DYM: variants seen among roughly 807,000 people sequenced by gnomAD.
DYM encodes the protein dymeclin.
Under a neutral mutation model 93.1 loss-of-function variants are expected in DYM, and 78 were observed. The observed-to-expected ratio is 0.84, with a 90% CI of 0.70 to 1.01. The LOEUF is 1.01. Among genes scored for constraint, DYM ranks in the 50% least tolerant of loss-of-function variants. The pLI, the probability that DYM is intolerant of heterozygous loss-of-function variation, is 0.00. For missense variants in DYM, 789 were observed against 845.0 expected (o/e 0.93, Z 0.82); for synonymous variants, 321 against 319.7 (o/e 1.00, Z -0.04).
At chr18:49,426,403 G>C (rs1020640845) in intron 2 of DYM, among the ~76,000 whole-genome samples, 1 of 102,338 alleles carries the variant, frequency 9.8e-6, no homozygotes, top group African/African-American at 3.9e-5. Context: ...TTGTGGGGTG[G>C]GGGGAGGGGG....
chr18:49,367,228 T>C (rs182262057), intron 5 of DYM, among the ~76,000 whole-genome samples: 20 of 152,280 alleles, frequency 1.3e-4, no homozygotes, highest in African/African-American at 4.8e-4. Flanking sequence ...TGAATAAATA[T>C]AAGCTATTAT....
At chr18:49,366,916 G>A (rs1229037462) in intron 5 of DYM, among the ~76,000 whole-genome samples, 2 of 151,796 alleles carry the variant, frequency 1.3e-5, no homozygotes, top group Admixed American at 6.6e-5. Context: ...TAGAGTAAGG[G>A]GCAGAAACCA....
intron 15 of DYM, chr18:49,126,211 C>A (rs2082809809): frequency 1.3e-5 from 2 of 152,182 alleles, no homozygotes; most frequent in South Asian, 4.1e-4. Context: ...AAACCATGCT[C>A]TGGATCCTCC....
Position 49,044,060 on chromosome 18 carries a change from C to G in DYM, c.2170G>C (p.Asp724His). 1 of 1,613,236 alleles carries G rather than the reference C, an allele frequency of 6.2e-7. No homozygotes were observed. The highest frequency in any genetic ancestry group is 8.5e-7 in the Non-Finnish European group (1 of 1,180,008). ...QDIQLFTMDSD is the reference protein window; with the variant it reads ...QDIQLFTMDSH ...GGTGGGAGAGCATCCTGCCCTCAGT[C>G]GGAATCCATGGTGAACAGCTGGATG... The change falls in exon 18 of 18, where the codon GAC (aspartate) becomes CAC (histidine). Residue 724 changes from aspartate to histidine, a missense_variant. Asp to His is a moderately conservative substitution (Grantham distance 81). Transcript: ENST00000675505.
chr18:49,129,702 G>A (rs1412340888), intron 15 of DYM, among the ~76,000 whole-genome samples: 17 of 152,164 alleles, frequency 1.1e-4, no homozygotes, highest in Admixed American at 1.0e-3. Flanking sequence ...GGCGACTGAA[G>A]AGGGCCCCTC....
intron 15 of DYM, among the ~76,000 whole-genome samples, chr18:49,122,057 C>CAT (rs936260156): frequency 6.6e-6 from 1 of 152,066 alleles, no homozygotes; most frequent in Non-Finnish European, 1.5e-5. Context: ...AGGTTTATAG[C>CAT]ATATATATGT....
intron 8 of DYM, among the ~76,000 whole-genome samples, chr18:49,287,641 T>C (rs1053375495): frequency 1.3e-5 from 2 of 151,850 alleles, no homozygotes; most frequent in Middle Eastern, 3.4e-3. Context: ...TCCCAACACT[T>C]TGGGAGGCCT....
chr18:49,104,091 G>A (rs1353334883), intron 16 of DYM, among the ~76,000 whole-genome samples: 1 of 152,064 alleles, frequency 6.6e-6, no homozygotes, highest in Non-Finnish European at 1.5e-5. Flanking sequence ...ATTTCATTAA[G>A]CAGTGGTTTG....
At chr18:49,455,476 G>C (rs1047962809) in intron 1 of DYM, among the ~76,000 whole-genome samples, 89 of 152,290 alleles carry the variant, frequency 5.8e-4, no homozygotes, top group African/African-American at 2.1e-3. Flanking sequence ...GGTACATAGA[G>C]GTATTTTCAT....
chr18:49,332,850 G>A (rs1285702392), intron 7 of DYM, among the ~76,000 whole-genome samples: 2 of 152,154 alleles, frequency 1.3e-5, no homozygotes, highest in Non-Finnish European at 2.9e-5. Context: ...TCACAATCTT[G>A]TTTCAGCAAA....
chr18:49,094,364 G>A (rs569149334), intron 17 of DYM, among the ~76,000 whole-genome samples: 66 of 152,220 alleles, frequency 4.3e-4, no homozygotes, highest in Middle Eastern at 3.4e-3. Context: ...TTTGAGCTGC[G>A]GCTTCTAAGT....
In DYM at chr18:49,317,184, A is replaced by G. The variant is rs1259399065; in HGVS notation, c.763+14680T>C. ...TGAGGACTGTATGTATTTTCCACTC[A>G]TTTTTCTGTAAACCTAGAACTGCTC... On this transcript the variant is annotated intron_variant, in intron 8 of 17. Coordinates refer to ENST00000675505, the MANE Select transcript of DYM (RefSeq NM_001353214.3). 2.6e-5 allele frequency among the ~76,000 whole-genome samples: 4 copies of G among 152,220 alleles called. No individual in the cohort carries two copies. The East Asian group carries it at 7.7e-4, about 29-fold the overall frequency.
rs779539987 is a variant in DYM at position 49,192,476 on chromosome 18, C to G, written c.1625+17075G>C. Among the ~76,000 whole-genome samples the G allele has an allele frequency of 3.9e-4, 60 of 151,988 alleles. 1 individual carries two copies. Among genetic ancestry groups the G allele is most frequent in the Non-Finnish European group, 7.1e-4 (48 of 67,998 alleles). On this transcript the variant is annotated intron_variant, in intron 14 of 17. Coordinates refer to ENST00000675505, the MANE Select transcript of DYM (RefSeq NM_001353214.3). ...GTGGTGTGAGGTAAGGGTTCGATTT[C>G]CCTCTTTTGCATATGGATATCCAAT...
At chr18:49,063,688 G>A (rs1026144338) in intron 17 of DYM, among the ~76,000 whole-genome samples, 1 of 140,638 alleles carries the variant, frequency 7.1e-6, no homozygotes, top group African/African-American at 2.7e-5. Flanking sequence ...GTGCAGTGGT[G>A]CCATCTTGGC....
chr18:49,096,095 T>C (rs909486507), intron 17 of DYM, among the ~76,000 whole-genome samples: 10 of 152,188 alleles, frequency 6.6e-5, no homozygotes, highest in Non-Finnish European at 1.2e-4. Flanking sequence ...TCTTACTTTA[T>C]GTAAAAATGG....
At chr18:49,045,749 C>G (rs1177438553) in intron 17 of DYM, among the ~76,000 whole-genome samples, 1 of 151,978 alleles carries the variant, frequency 6.6e-6, no homozygotes, top group Non-Finnish European at 1.5e-5. Context: ...GTGAGCTCCC[C>G]TGGAGGGCCC....
chr18:49,330,154 C>T (rs900836994), intron 8 of DYM, among the ~76,000 whole-genome samples: 1 of 152,080 alleles, frequency 6.6e-6, no homozygotes, highest in Non-Finnish European at 1.5e-5. Flanking sequence ...CATAATTACT[C>T]CATCTTGATT....
At chr18:49,246,003 C>T (rs1484524628) in intron 13 of DYM, among the ~76,000 whole-genome samples, 1 of 152,238 alleles carries the variant, frequency 6.6e-6, no homozygotes, top group Non-Finnish European at 1.5e-5. Context: ...AGATGCCATT[C>T]TAAGCACTTT....
intron 6 of DYM, among the ~76,000 whole-genome samples, chr18:49,335,819 T>C (rs1197054153): frequency 6.6e-6 from 1 of 151,856 alleles, no homozygotes; most frequent in Non-Finnish European, 1.5e-5. Context: ...TGTCTTTTTT[T>C]TTTTTCTTTT....
Sources: allele counts gnomAD v4.1 joint callset (sites outside exome capture counted in the v4.1 genomes callset), GRCh38; gene constraint gnomAD v4.1.1; transcripts MANE v1.5; gene names NCBI Gene and HGNC (gene_info 2026-07-23, HGNC 2026-07-21).